Variants in TOX3 observed in about 807,000 individuals in gnomAD.
TOX3 encodes TOX high mobility group box family member 3, also known as CAG trinucleotide repeat-containing gene F9 protein.
Under a neutral mutation model 64.3 loss-of-function variants are expected in TOX3, and 22 were observed. That is an observed-to-expected ratio of 0.34 (90% CI 0.24 to 0.49). The LOEUF (loss-of-function observed/expected upper bound fraction) is 0.49, where lower values mean the gene tolerates loss of function less well. TOX3 is among the 20% of genes least tolerant of loss of function. The pLI is 0.99. For synonymous variants in TOX3, 291 were observed against 273.6 expected (o/e 1.06, Z -0.63); for missense variants, 661 against 714.4 (o/e 0.93, Z 0.85).
At chr16:52,465,470 GTTT>G (rs34739813) in intron 2 of TOX3, among the ~76,000 whole-genome samples, 9 of 104,002 alleles carry the variant, frequency 8.7e-5, no homozygotes, top group Admixed American at 4.2e-4. Flanking sequence ...TTTCTTTTTG[GTTT>G]TTTTTTTTTT....
Position 52,547,062 on chromosome 16 carries a change from G to T in TOX3, c.-339C>A. ...GGCGAGTTCAGGTGCGCTGGGCGAG[G>T]CTGGGACGGCGGCGGCGGCGGCGGC... On this transcript the variant is annotated 5_prime_UTR_variant, in exon 1 of 7. Transcript: ENST00000219746. 2 of 597,032 alleles carry T rather than the reference G, an allele frequency of 3.3e-6. No individual in the cohort carries two copies. Among genetic ancestry groups the T allele is most frequent in the Non-Finnish European group, 4.2e-6 (2 of 477,204 alleles). 37.0% of individuals were successfully genotyped at this position (597,032 alleles called of 1,614,324 possible).
At chr16:52,546,612 C>T in intron 1 of TOX3, 25 bp downstream of exon 1, 2 of 1,531,090 alleles carry the variant, frequency 1.3e-6, no homozygotes, top group South Asian at 1.2e-5. Context: ...CCCCGCCCCC[C>T]GGCCCACCGG....
In TOX3 at chr16:52,442,113, C is replaced by T. The variant is rs114787601; in HGVS notation, c.988-2145G>A. On this transcript the variant is annotated intron_variant, in intron 6 of 6. Coordinates refer to ENST00000219746, the MANE Select transcript of TOX3 (RefSeq NM_001080430.4). ...TTGTGCCTTTAAGATGCTGCCTTAA[C>T]GGTAAATGGAGATGGGTGGATGATT... Among the ~76,000 whole-genome samples the T allele has an allele frequency of 6.1e-3, 927 of 152,252 alleles. 9 individuals carry two copies. The highest frequency in any genetic ancestry group is 0.02 in the African/African-American group (844 of 41,542).
intron 1 of TOX3, among the ~76,000 whole-genome samples, chr16:52,507,507 G>A (rs1052663421): frequency 7.9e-5 from 12 of 152,214 alleles, no homozygotes; most frequent in African/African-American, 2.4e-4. Context: ...TTTGTCATCA[G>A]GAGTGCTTCT....
intron 1 of TOX3, among the ~76,000 whole-genome samples, chr16:52,545,818 T>A (rs1963164638): frequency 6.6e-6 from 1 of 152,092 alleles, no homozygotes; most frequent in African/African-American, 2.4e-5. Context: ...GCTGCGACTC[T>A]CGCCCGCCTC....
At chr16:52,544,701 C>T (rs1437474922) in intron 1 of TOX3, among the ~76,000 whole-genome samples, 1 of 152,048 alleles carries the variant, frequency 6.6e-6, no homozygotes, top group East Asian at 1.9e-4. Context: ...CTTTATATAC[C>T]CTCCCTGAAA....
At chr16:52,503,139 T>C (rs895114118) in intron 1 of TOX3, among the ~76,000 whole-genome samples, 4 of 152,180 alleles carry the variant, frequency 2.6e-5, no homozygotes, top group African/African-American at 4.8e-5. Flanking sequence ...TTTTAAAAGA[T>C]GATGTTTTTT....
intron 1 of TOX3, among the ~76,000 whole-genome samples, chr16:52,517,674 C>A (rs1962494094): frequency 6.6e-6 from 1 of 151,846 alleles, no homozygotes; most frequent in African/African-American, 2.4e-5. Context: ...CAGTGATGCC[C>A]CACCCAGAAG....
intron 1 of TOX3, among the ~76,000 whole-genome samples, chr16:52,500,497 G>T (rs1285297942): frequency 6.6e-6 from 1 of 151,994 alleles, no homozygotes; most frequent in Non-Finnish European, 1.5e-5. Context: ...TCCCAAGCTG[G>T]GTACCACAGA....
intron 3 of TOX3, among the ~76,000 whole-genome samples, chr16:52,462,627 T>G (rs1159120009): frequency 6.6e-6 from 1 of 152,102 alleles, no homozygotes; most frequent in Non-Finnish European, 1.5e-5. Context: ...GCAAACTCCC[T>G]TGGTGACTAA....
At chr16:52,536,608 C>T (rs1207500059) in intron 1 of TOX3, among the ~76,000 whole-genome samples, 2 of 113,812 alleles carry the variant, frequency 1.8e-5, no homozygotes, top group African/African-American at 6.8e-5. Context: ...AACATCTTTT[C>T]TACTGAAATA....
chr16:52,490,559 T>C (rs979914958), intron 1 of TOX3, among the ~76,000 whole-genome samples: 1 of 151,394 alleles, frequency 6.6e-6, no homozygotes, highest in African/African-American at 2.4e-5. Flanking sequence ...GTATATTTAG[T>C]ATATTTTTTA....
chr16:52,538,015 A>G (rs1264401359), intron 1 of TOX3, among the ~76,000 whole-genome samples: 1 of 152,108 alleles, frequency 6.6e-6, no homozygotes, highest in Non-Finnish European at 1.5e-5. Context: ...TCCCTTTTCT[A>G]TTTAACTCAG....
intron 5 of TOX3, 22 bp from the exon 6 acceptor site, chr16:52,444,378 C>A (rs1260137437): frequency 1.3e-6 from 2 of 1,533,012 alleles, no homozygotes. Context: ...CCACAATTAG[C>A]ACCACCTTTA....
intron 1 of TOX3, among the ~76,000 whole-genome samples, chr16:52,510,197 GT>G (rs970671549): frequency 1.3e-5 from 2 of 149,894 alleles, no homozygotes; most frequent in African/African-American, 4.9e-5. Context: ...AAGGTGTTTT[GT>G]TTTTTTCCCC....
chr16:52,462,762 A>G (rs1244262425), intron 3 of TOX3, among the ~76,000 whole-genome samples: 1 of 152,134 alleles, frequency 6.6e-6, no homozygotes, highest in Non-Finnish European at 1.5e-5. Context: ...TCCCCAGGAA[A>G]CAATTATTTG....
At chr16:52,464,895 A>T (rs2151756448) in intron 2 of TOX3, among the ~76,000 whole-genome samples, 1 of 151,506 alleles carries the variant, frequency 6.6e-6, no homozygotes, top group Non-Finnish European at 1.5e-5. Flanking sequence ...TTTAAAGATG[A>T]TCTAGAGAGC....
At chr16:52,442,100 G>A (rs1454453336) in intron 6 of TOX3, among the ~76,000 whole-genome samples, 1 of 152,220 alleles carries the variant, frequency 6.6e-6, no homozygotes, top group Non-Finnish European at 1.5e-5. Flanking sequence ...GTGCCTTTAA[G>A]ATGCTGCCTT....
At chr16:52,449,178 G>T (rs2151745062) in intron 4 of TOX3, among the ~76,000 whole-genome samples, 1 of 152,138 alleles carries the variant, frequency 6.6e-6, no homozygotes, top group South Asian at 2.1e-4. Flanking sequence ...AGCCAAAGTT[G>T]TCTCTCTAAA....
Sources: gnomAD v4.1 joint callset for allele counts (sites outside exome capture counted in the v4.1 genomes callset) on GRCh38, gnomAD v4.1.1 for gene constraint, MANE v1.5 for transcripts, NCBI Gene and HGNC (gene_info 2026-07-23, HGNC 2026-07-21) for gene names.